BAAT: variants seen among roughly 807,000 people sequenced by gnomAD.
The protein encoded by BAAT is bile acid-CoA:amino acid N-acyltransferase.
BAAT carries 13 observed loss-of-function variants against 18.9 expected under a neutral mutation model. The observed-to-expected ratio is 0.69, with a 90% confidence interval of 0.45 to 1.10. BAAT has a LOEUF of 1.10. Ranked by LOEUF, BAAT falls within the 50% of genes least tolerant of loss-of-function variation. BAAT has a pLI of 0.00. For synonymous variants in BAAT, 170 were observed against 190.7 expected (o/e 0.89, Z 0.89); for missense variants, 489 against 504.0 (o/e 0.97, Z 0.28).
At chr9:101,384,085 T>C (rs183778782) in intron 1 of BAAT, among the ~76,000 whole-genome samples, 130 of 152,290 alleles carry the variant, frequency 8.5e-4, no homozygotes, top group African/African-American at 2.5e-3. Context: ...TGGATCTTTT[T>C]TGAGGTGATA....
chr9:101,380,293 G>GTA (rs1367837025), intron 1 of BAAT, among the ~76,000 whole-genome samples: 1 of 152,236 alleles, frequency 6.6e-6, no homozygotes, highest in African/African-American at 2.4e-5. Flanking sequence ...GCTGAAGCAT[G>GTA]TATATCCTTT....
rs1463649554 is a variant in BAAT, at chr9:101,361,245, G to C, written c.*1183C>G. The C allele has an allele frequency of 6.5e-6, 1 of 153,694 alleles. No homozygotes were observed. Among genetic ancestry groups the C allele is most frequent in the African/African-American group, 2.4e-5 (1 of 41,470 alleles). 9.5% of individuals were successfully genotyped at this position (153,694 alleles called of 1,614,324 possible). ...TTTGTATGTCTCTAGATATTTAACT[G>C]ACCCACTATATTCCTCAAGGATACT... On this transcript the variant is annotated 3_prime_UTR_variant, in exon 4 of 4. Transcript: ENST00000259407.
intron 1 of BAAT, chr9:101,376,023 C>A (rs2119033963): frequency 6.5e-6 from 1 of 154,310 alleles, no homozygotes; most frequent in Admixed American, 6.5e-5. Flanking sequence ...TTGTGTTCAA[C>A]TGGGTCTGAA....
intron 1 of BAAT, among the ~76,000 whole-genome samples, chr9:101,376,965 AT>A (rs1213242533): frequency 6.6e-6 from 1 of 152,184 alleles, no homozygotes; most frequent in East Asian, 1.9e-4. Flanking sequence ...ATGTGTCTTT[AT>A]GGTAGAGTGA....
In BAAT at chr9:101,362,750, G is replaced by C; in HGVS notation, c.935C>G (p.Pro312Arg). Residue 312 changes from proline (P) to arginine (R), a missense_variant, in exon 4 of 4, where the codon CCT (proline) becomes CGT (arginine). Pro to Arg is a moderately radical substitution (Grantham distance 103, BLOSUM62 -2). Transcript: ENST00000259407. ...GAATTGCCCCTGGGCCTCTTCAATA[G>C]GAAACAAATATTGACTGGCCCCAAC... The part of the protein sequence containing the change: ...TQVGASQYLF[P>R]IEEAQGQFLF... 6.2e-7 allele frequency: 1 copy of C among 1,614,038 alleles called. No homozygotes were observed. The highest frequency in any genetic ancestry group is 1.7e-5 in the Admixed American group (1 of 59,984).
chr9:101,371,464 C>T lies in BAAT; in HGVS notation c.-59-1G>A. 2.0e-6 allele frequency: 3 copies of T among 1,492,712 alleles called. No homozygotes were observed. The highest frequency in any genetic ancestry group is 2.8e-6 in the Non-Finnish European group (3 of 1,089,568). The allele number at this position is 1,492,712 out of a possible 1,614,324, so 92.5% of individuals were successfully genotyped here. On this transcript the variant is annotated splice_acceptor_variant, in intron 1 of 3. Transcript: ENST00000259407. LOFTEE classifies it low-confidence loss of function (5UTR_SPLICE). Reference sequence around the variant, plus strand: ...AATATCTTCAGCAAAACCTCAAAACCTCAAAAAAGAAAGAAAGAGGAGCAG... The same window carrying T: ...AATATCTTCAGCAAAACCTCAAAACTTCAAAAAAGAAAGAAAGAGGAGCAG...
intron 1 of BAAT, among the ~76,000 whole-genome samples, 182 bp downstream of exon 1, chr9:101,384,673 G>C (rs995555247): frequency 6.6e-6 from 1 of 152,194 alleles, no homozygotes; most frequent in Admixed American, 6.5e-5. Context: ...AATGTCGTTA[G>C]AAACTAGTCA....
chr9:101,370,429 C>G (rs1829915398), intron 2 of BAAT, among the ~76,000 whole-genome samples: 1 of 149,108 alleles, frequency 6.7e-6, no homozygotes, highest in Admixed American at 6.8e-5. Context: ...CTTTCCTCCT[C>G]AGCCCCTGCT....
Position 101,371,377 on chromosome 9 carries a change from TCA to T in BAAT, c.26_27del (p.Val9GlufsTer5). 6.2e-7 allele frequency: 1 copy of T among 1,612,502 alleles called. No individual in the cohort carries two copies. MIQLTATP[V>X]SALVDEPVHI... ...TGCACTGGCTCATCAACAAGTGCACTCACAGGGGTAGCTGTCAACTGGATCAT... is the reference window on the plus strand; with the variant it reads ...TGCACTGGCTCATCAACAAGTGCACTCAGGGGTAGCTGTCAACTGGATCAT... On this transcript the variant is annotated frameshift_variant, in exon 2 of 4. Coordinates refer to ENST00000259407, the MANE Select transcript of BAAT (RefSeq NM_001701.4). LOFTEE classifies it high-confidence loss of function.
Position 101,362,603 on chromosome 9 carries a change from C to T in BAAT, c.1082G>A (p.Gly361Asp), listed in dbSNP as rs1398146761. 1.3e-5 allele frequency: 21 copies of T among 1,614,024 alleles called. No individual in the cohort carries two copies. Among genetic ancestry groups the T allele is most frequent in the Non-Finnish European group, 1.7e-5 (20 of 1,180,040 alleles). Residue 361 changes from glycine to aspartate, a missense_variant, in exon 4 of 4, where the codon GGC becomes GAC. By Grantham distance (94) the Gly-to-Asp change is moderately conservative. Coordinates refer to ENST00000259407, the MANE Select transcript of BAAT (RefSeq NM_001701.4). The part of the protein sequence containing the change: ...NWTLLSYPGA[G>D]HLIEPPYSPL... ...AGAATAGGGAGGTTCTATCAGGTGG[C>T]CTGCCCCAGGGTAAGATAGCAGGGT...
chr9:101,375,142 A>G (rs567752971), intron 1 of BAAT, among the ~76,000 whole-genome samples: 2 of 152,310 alleles, frequency 1.3e-5, no homozygotes, highest in African/African-American at 4.8e-5. Context: ...AAGTCTCACA[A>G]GAACTGATGG....
At chr9:101,381,358 CA>C (rs879826866) in intron 1 of BAAT, among the ~76,000 whole-genome samples, 44 of 149,710 alleles carry the variant, frequency 2.9e-4, no homozygotes, top group African/African-American at 9.8e-4. Context: ...CCCATCTCTA[CA>C]AAAAAAAAGT....
Position 101,362,738 on chromosome 9 carries a change from G to A in BAAT, c.947C>T (p.Ala316Val), listed in dbSNP as rs1829755983. The A allele has an allele frequency of 6.2e-7, 1 of 1,614,168 alleles. No individual in the cohort carries two copies. The highest frequency in any genetic ancestry group is 1.3e-5 in the African/African-American group (1 of 75,036). Residue 316 changes from alanine (A) to valine (V), a missense_variant, in exon 4 of 4, where the codon GCC becomes GTC. Physicochemically the swap from Ala to Val is moderately conservative, Grantham distance 64. Transcript: ENST00000259407. ...TACAATGAAGAGGAATTGCCCCTGG[G>A]CCTCTTCAATAGGAAACAAATATTG... ...ASQYLFPIEE[A>V]QGQFLFIVGE...
In BAAT at chr9:101,368,289, A is replaced by G. The variant is rs1434379377; in HGVS notation, c.500T>C (p.Phe167Ser). 17 of 1,613,114 alleles carry G rather than the reference A, an allele frequency of 1.1e-5. No homozygotes were observed. Among genetic ancestry groups the G allele is most frequent in the Non-Finnish European group, 1.4e-5 (17 of 1,180,004 alleles). The change falls in exon 3 of 4, where the codon TTT (phenylalanine) becomes TCT (serine). Residue 167 changes from phenylalanine to serine, a missense_variant. Transcript: ENST00000259407. ...EGLFPGVIDL[F>S]GGLGGLLEFR... is the part of the protein sequence containing the mutation. ...TTCAAGCAGCCCACCCAAACCACCA[A>G]ACAAATCAATTACCCCTGGGAAGAG... is the stretch of plus-strand genomic sequence containing the variant.
At chr9:101,367,151 A>C (rs12350797) in intron 3 of BAAT, among the ~76,000 whole-genome samples, 22,878 of 149,794 alleles carry the variant, frequency 0.15, 1,915 homozygotes, top group African/African-American at 0.2. Context: ...GAAAGAAAAA[A>C]TATTGGGCAA....
In BAAT at chr9:101,370,929, T is replaced by C; in HGVS notation, c.466+10A>G. 1 of 1,613,006 alleles carries C rather than the reference T, an allele frequency of 6.2e-7. No homozygotes were observed. The highest frequency in any genetic ancestry group is 8.5e-7 in the Non-Finnish European group (1 of 1,179,070). Reference sequence around the variant, plus strand: ...ACAAGAATAACAATAAGCAGAGTAATTCTACTCACCTGGAGGGAGAAAGAG... The same window carrying C: ...ACAAGAATAACAATAAGCAGAGTAACTCTACTCACCTGGAGGGAGAAAGAG... On this transcript the variant is annotated intron_variant, in intron 2 of 3. Transcript: ENST00000259407.
chr9:101,381,981 A>G (rs900216609), intron 1 of BAAT, among the ~76,000 whole-genome samples: 1 of 152,246 alleles, frequency 6.6e-6, no homozygotes, highest in Admixed American at 6.5e-5. Context: ...AAAAGAATTT[A>G]TCAAGAGTCT....
At chr9:101,371,524 G>T (rs1829945884) in intron 1 of BAAT, 61 bp from the exon 2 acceptor site, 2 of 1,045,964 alleles carry the variant, frequency 1.9e-6, no homozygotes, top group African/African-American at 1.6e-5. Context: ...GATGAAAGGT[G>T]AATTGAATCA....
chr9:101,384,587 A>G (rs976994873), intron 1 of BAAT, among the ~76,000 whole-genome samples: 1 of 152,244 alleles, frequency 6.6e-6, no homozygotes, highest in Non-Finnish European at 1.5e-5. Flanking sequence ...CTTTTGACCC[A>G]GCAATTCTTC....
Sources: allele counts gnomAD v4.1 joint callset (sites outside exome capture counted in the v4.1 genomes callset), GRCh38; gene constraint gnomAD v4.1.1; transcripts MANE v1.5; gene names NCBI Gene and HGNC (gene_info 2026-07-23, HGNC 2026-07-21).